HECW1: variants seen among roughly 807,000 people sequenced by gnomAD.
The protein encoded by HECW1 is E3 ubiquitin-protein ligase HECW1.
A neutral mutation model predicts 182.3 loss-of-function variants in HECW1; 61 were observed. The ratio of observed to expected loss-of-function variants is 0.33; its 90% CI spans 0.27 to 0.41. HECW1 has a LOEUF of 0.41. HECW1 is among the 10% of genes least tolerant of loss of function. The pLI is 1.00. For missense variants in HECW1, 1,739 were observed against 2,108.9 expected (o/e 0.82, Z 3.44); for synonymous variants, 859 against 832.6 (o/e 1.03, Z -0.55).
intron 2 of HECW1, among the ~76,000 whole-genome samples, chr7:43,143,466 G>A (rs1788383291): frequency 6.6e-6 from 1 of 151,450 alleles, no homozygotes; most frequent in Admixed American, 6.6e-5. Flanking sequence ...TTATTTTTTT[G>A]TTAGAGACAG....
At chr7:43,555,785 T>C (rs115441865) in intron 29 of HECW1, among the ~76,000 whole-genome samples, 88 of 152,322 alleles carry the variant, frequency 5.8e-4, no homozygotes, top group African/African-American at 2.0e-3. Context: ...ACCCACTCAG[T>C]TCAGCAGACC....
At chr7:43,441,985 A>G (rs2076903178) in intron 9 of HECW1, among the ~76,000 whole-genome samples, 2 of 152,140 alleles carry the variant, frequency 1.3e-5, no homozygotes, top group Non-Finnish European at 2.9e-5. Flanking sequence ...CATACATCGA[A>G]TTTTGAATTT....
intron 24 of HECW1, among the ~76,000 whole-genome samples, chr7:43,521,147 T>A (rs1182691412): frequency 6.6e-6 from 1 of 152,252 alleles, no homozygotes; most frequent in Non-Finnish European, 1.5e-5. Context: ...TCTCTCAGAA[T>A]TCATATGTTG....
chr7:43,435,679 A>G (rs1034847613), intron 8 of HECW1, among the ~76,000 whole-genome samples: 18 of 152,152 alleles, frequency 1.2e-4, no homozygotes, highest in African/African-American at 3.6e-4. Flanking sequence ...GTAACTGGCA[A>G]TGCTTGAGAG....
At chr7:43,501,126 T>G (rs2079335621) in intron 20 of HECW1, 87 bp from the exon 21 acceptor site, 2 of 712,216 alleles carry the variant, frequency 2.8e-6, no homozygotes, top group Admixed American at 2.6e-5. Flanking sequence ...GTGTAAGTGC[T>G]GCTACCCCAA....
chr7:43,428,403 C>T (rs571660197), intron 8 of HECW1, among the ~76,000 whole-genome samples: 4 of 152,276 alleles, frequency 2.6e-5, no homozygotes, highest in Non-Finnish European at 4.4e-5. Context: ...GTTCACATCA[C>T]GTGTGGTTTC....
At chr7:43,543,452 A>G (rs2081434210) in intron 26 of HECW1, among the ~76,000 whole-genome samples, 2 of 152,066 alleles carry the variant, frequency 1.3e-5, no homozygotes, top group African/African-American at 4.8e-5. Context: ...TCTTCCTACA[A>G]CTCTGGAGAG....
chr7:43,231,739 A>G (rs549717204), intron 2 of HECW1, among the ~76,000 whole-genome samples: 18 of 152,166 alleles, frequency 1.2e-4, no homozygotes, highest in African/African-American at 3.6e-4. Context: ...TCTTGGGGCC[A>G]GGCGCGGTGG....
intron 2 of HECW1, among the ~76,000 whole-genome samples, chr7:43,147,945 C>CT (rs1180273315): frequency 6.6e-6 from 1 of 152,222 alleles, no homozygotes; most frequent in African/African-American, 2.4e-5. Context: ...ATTTGGGTCA[C>CT]TTTCTATTTA....
chr7:43,272,158 G>T (rs1488821959), intron 3 of HECW1, among the ~76,000 whole-genome samples: 1 of 152,026 alleles, frequency 6.6e-6, no homozygotes, highest in African/African-American at 2.4e-5. Flanking sequence ...GAATGAAACT[G>T]AATCCCTATC....
chr7:43,176,412 C>T (rs1792251857), intron 2 of HECW1, among the ~76,000 whole-genome samples: 1 of 152,150 alleles, frequency 6.6e-6, no homozygotes, highest in African/African-American at 2.4e-5. Flanking sequence ...TATAACTGAA[C>T]ATCTAAGACT....
chr7:43,424,970 G>A (rs891517298), intron 8 of HECW1, among the ~76,000 whole-genome samples: 4 of 152,068 alleles, frequency 2.6e-5, no homozygotes, highest in Non-Finnish European at 5.9e-5. Flanking sequence ...TATATATTAG[G>A]GAGGGAATAA....
intron 2 of HECW1, among the ~76,000 whole-genome samples, chr7:43,241,760 TTC>T (rs1483667009): frequency 3.3e-5 from 5 of 151,920 alleles, no homozygotes; most frequent in African/African-American, 1.2e-4. Flanking sequence ...TCCCAGAGAA[TTC>T]TGAGTCAATT....
intron 29 of HECW1, 69 bp from the exon 30 acceptor site, chr7:43,561,746 C>G: frequency 9.5e-7 from 1 of 1,051,562 alleles, no homozygotes; most frequent in Non-Finnish European, 1.5e-6. Context: ...CAACTTCAGA[C>G]AGTCACAGAT....
chr7:43,162,794 A>G (rs1245189457), intron 2 of HECW1: 1 of 152,236 alleles, frequency 6.6e-6, no homozygotes, highest in Non-Finnish European at 1.5e-5. Flanking sequence ...TAACATTGTA[A>G]TAATAGCAGC....
intron 2 of HECW1, among the ~76,000 whole-genome samples, chr7:43,196,082 A>G (rs1349534906): frequency 6.6e-6 from 1 of 152,126 alleles, no homozygotes; most frequent in Non-Finnish European, 1.5e-5. Context: ...CAGCTATTTC[A>G]GGTGTCTTTT....
chr7:43,358,028 C>T (rs1351103434), intron 5 of HECW1, among the ~76,000 whole-genome samples: 2 of 152,112 alleles, frequency 1.3e-5, no homozygotes, highest in Non-Finnish European at 2.9e-5. Context: ...TGTAATTTCC[C>T]TGACCTTTTT....
At chr7:43,205,556 A>G (rs778213151) in intron 2 of HECW1, among the ~76,000 whole-genome samples, 3 of 152,160 alleles carry the variant, frequency 2.0e-5, no homozygotes, top group African/African-American at 4.8e-5. Context: ...AGAACTCTGA[A>G]TAGAGTCTGG....
At chr7:43,560,457 G>A (rs1244929402) in intron 29 of HECW1, among the ~76,000 whole-genome samples, 2 of 152,186 alleles carry the variant, frequency 1.3e-5, no homozygotes, top group African/African-American at 2.4e-5. Context: ...GAAAGGGACA[G>A]GGAGGAGGGA....
Sources: gnomAD v4.1 joint callset for allele counts (sites outside exome capture counted in the v4.1 genomes callset) on GRCh38, gnomAD v4.1.1 for gene constraint, MANE v1.5 for transcripts, NCBI Gene and HGNC (gene_info 2026-07-23, HGNC 2026-07-21) for gene names.